Variants in CELF2 observed in about 807,000 individuals in gnomAD.
The protein encoded by CELF2 is CUGBP Elav-like family member 2, also known as CUG triplet repeat RNA-binding protein 2.
Under a neutral mutation model 62.6 loss-of-function variants are expected in CELF2, and 8 were observed. The observed-to-expected ratio is 0.13, with a 90% CI of 0.07 to 0.23. CELF2 has a LOEUF of 0.23. CELF2 is among the 10% of genes least tolerant of loss of function. CELF2 has a pLI of 1.00. For synonymous variants in CELF2, 258 were observed against 250.0 expected (o/e 1.03, Z -0.30); for missense variants, 333 against 671.0 (o/e 0.50, Z 5.56).
At chr10:10,814,930 A>G (rs187189854) in intron 1 of CELF2, among the ~76,000 whole-genome samples, 12 of 152,284 alleles carry the variant, frequency 7.9e-5, no homozygotes, top group Non-Finnish European at 1.6e-4. Context: ...ACTTGGATTG[A>G]GTTCCTTCCT....
intron 2 of CELF2, among the ~76,000 whole-genome samples, chr10:10,986,634 G>A (rs2052787260): frequency 6.6e-6 from 1 of 152,200 alleles, no homozygotes; most frequent in Non-Finnish European, 1.5e-5. Flanking sequence ...TCATGTGACA[G>A]CTGCTTAGTG....
chr10:10,512,628 T>G, the CELF2 span, among the ~76,000 whole-genome samples: 1 of 152,144 alleles, frequency 6.6e-6, no homozygotes, highest in African/African-American at 2.4e-5. Context: ...TTGGCCAGGC[T>G]GGTCTCTAAC....
chr10:10,543,192 G>A, the CELF2 span, among the ~76,000 whole-genome samples: 1 of 152,194 alleles, frequency 6.6e-6, no homozygotes, highest in Non-Finnish European at 1.5e-5. Flanking sequence ...GGGGAGCCAA[G>A]GGGTAGAGAA....
the CELF2 span, among the ~76,000 whole-genome samples, chr10:10,609,156 C>G: frequency 6.6e-6 from 1 of 152,128 alleles, no homozygotes; most frequent in African/African-American, 2.4e-5. Context: ...TGCCTATATT[C>G]CAGGTGAGAG....
chr10:10,833,801 G>A (rs1435890664), intron 1 of CELF2, among the ~76,000 whole-genome samples: 2 of 152,152 alleles, frequency 1.3e-5, no homozygotes, highest in South Asian at 2.1e-4. Flanking sequence ...TTATTGAAAA[G>A]TCAAAAAATA....
At position 10,997,754 on chromosome 10, in the gene CELF2, C is replaced by G. The variant is rs1469667580; in HGVS notation, c.89+77755C>G. ...AGGCAGTGGTTGACAAAGAAAAGAA[C>G]CTCCCTCACGGGCCCCGTAGTCGCT... On this transcript the variant is annotated intron_variant, in intron 2 of 13. Coordinates refer to the CELF2 transcript ENST00000636488. The surrounding 1 kb of genome is among the most constrained non-coding windows in gnomAD (Gnocchi z 5.3). Among the ~76,000 whole-genome samples the G allele has an allele frequency of 6.6e-6, 1 of 152,200 alleles. No homozygotes were observed. Among genetic ancestry groups the G allele is most frequent in the African/African-American group, 2.4e-5 (1 of 41,454 alleles).
At chr10:11,176,578 G>A (rs956515821) in intron 2 of CELF2, among the ~76,000 whole-genome samples, 1 of 152,158 alleles carries the variant, frequency 6.6e-6, no homozygotes, top group Non-Finnish European at 1.5e-5. Context: ...AATGGGTGTG[G>A]CATTGCTTAT....
chr10:10,538,850 C>T, the CELF2 span, among the ~76,000 whole-genome samples: 4 of 152,182 alleles, frequency 2.6e-5, no homozygotes, highest in East Asian at 7.7e-4. Context: ...CTCTTGCCCT[C>T]CTTACTAGTT....
the CELF2 span, among the ~76,000 whole-genome samples, chr10:10,539,408 A>G: frequency 6.6e-6 from 1 of 152,086 alleles, no homozygotes; most frequent in African/African-American, 2.4e-5. Flanking sequence ...CTTAGGGAGA[A>G]TCTCAAAGGC....
chr10:10,757,523 C>A, the CELF2 span, among the ~76,000 whole-genome samples: 1 of 152,122 alleles, frequency 6.6e-6, no homozygotes, highest in African/African-American at 2.4e-5. Context: ...GACAATGACA[C>A]ACATGCACAC....
At chr10:10,692,026 G>C in the CELF2 span, among the ~76,000 whole-genome samples, 2 of 151,420 alleles carry the variant, frequency 1.3e-5, no homozygotes, top group African/African-American at 4.9e-5. Context: ...GATCCCATTT[G>C]TCAATTTTGT....
chr10:11,018,017 C>T lies in CELF2; in HGVS notation c.-73C>T. 9.4e-7 allele frequency: 1 copy of T among 1,069,398 alleles called. No individual in the cohort carries two copies. Among genetic ancestry groups the T allele is most frequent in the South Asian group, 3.9e-5 (1 of 25,628 alleles). 66.2% of individuals were successfully genotyped at this position (1,069,398 alleles called of 1,614,324 possible). ...GCCGCGCGCACCTGTCCCTGCCCGT[C>T]TCGCGCCGCCCGCGGCCGCTCGGAC... On this transcript the variant is annotated 5_prime_UTR_variant, in exon 1 of 13. Coordinates refer to ENST00000633077, the MANE Select transcript of CELF2 (RefSeq NM_001326342.2).
the CELF2 span, among the ~76,000 whole-genome samples, chr10:10,503,587 T>C: frequency 6.6e-6 from 1 of 151,962 alleles, no homozygotes; most frequent in Non-Finnish European, 1.5e-5. Flanking sequence ...TATTTTACTT[T>C]CAAGCTGCTT....
chr10:11,260,916 G>A lies in CELF2; in HGVS notation c.538+3044G>A, dbSNP rs1055615398. On this transcript the variant is annotated intron_variant, in intron 5 of 12. Transcript: ENST00000633077. This position sits in a 1 kb window ranked among gnomAD's most constrained non-coding sequence, Gnocchi z 4.2. ...GCTTTCATTAAAGAATTGCAGTTTT[G>A]AATCAAATATTAATGTGTCTCCCAT... 2.2e-4 allele frequency among the ~76,000 whole-genome samples: 34 copies of A among 152,214 alleles called. No homozygotes were observed. The highest frequency in any genetic ancestry group is 7.9e-4 in the African/African-American group (33 of 41,542).
chr10:10,485,526 G>A, the CELF2 span, among the ~76,000 whole-genome samples: 1 of 152,190 alleles, frequency 6.6e-6, no homozygotes, highest in Non-Finnish European at 1.5e-5. Flanking sequence ...GCAGTCCAAT[G>A]GATAATTCCT....
At chr10:10,639,735 A>T in the CELF2 span, among the ~76,000 whole-genome samples, 1 of 152,108 alleles carries the variant, frequency 6.6e-6, no homozygotes, top group Non-Finnish European at 1.5e-5. Flanking sequence ...AAATTTTAAA[A>T]TAATTCTGTT....
At chr10:10,989,994 T>C (rs893126529) in intron 2 of CELF2, among the ~76,000 whole-genome samples, 2 of 152,148 alleles carry the variant, frequency 1.3e-5, no homozygotes, top group African/African-American at 2.4e-5. Flanking sequence ...CACTCTTGTA[T>C]ATGGGGGAAT....
chr10:10,765,714 G>C, the CELF2 span, among the ~76,000 whole-genome samples: 2 of 152,176 alleles, frequency 1.3e-5, no homozygotes, highest in Non-Finnish European at 2.9e-5. Flanking sequence ...ACCTGTTCTA[G>C]AGTTCGCTCA....
rs1194530281 is a variant in CELF2, at chr10:11,268,224, C to CA, written c.618+1554dup. 1.3e-5 allele frequency among the ~76,000 whole-genome samples: 2 copies of CA among 151,580 alleles called. No homozygotes were observed. On this transcript the variant is annotated intron_variant, in intron 6 of 12. Transcript: ENST00000633077. This position sits in a 1 kb window ranked among gnomAD's most constrained non-coding sequence, Gnocchi z 4.7. ...ATTAAAATGAAACTGCTGTTAGGGG[C>CA]AAAAAAATAAAAAAGAAAACTCTTT...
Sources: allele counts gnomAD v4.1 joint callset (sites outside exome capture counted in the v4.1 genomes callset), GRCh38; gene constraint gnomAD v4.1.1; non-coding constraint Gnocchi (gnomAD v3.1); transcripts MANE v1.5; gene names NCBI Gene and HGNC (gene_info 2026-07-23, HGNC 2026-07-21).